Variants in EFTUD2 observed in about 807,000 individuals in gnomAD.
EFTUD2 encodes elongation factor Tu GTP binding domain containing 2.
Under a neutral mutation model 114.3 loss-of-function variants are expected in EFTUD2, and 9 were observed. That is an observed-to-expected ratio of 0.08 (90% CI 0.05 to 0.14). The LOEUF is 0.14. Among genes scored for constraint, EFTUD2 ranks in the 10% least tolerant of loss-of-function variants. The probability of loss-of-function intolerance (pLI) is 1.00; values close to 1 mark genes in which losing one functional copy is unlikely to be tolerated. For synonymous variants in EFTUD2, 449 were observed against 462.3 expected (o/e 0.97, Z 0.37); for missense variants, 765 against 1,241.2 (o/e 0.62, Z 5.76).
chr17:44,865,740 G>A (rs2050735061), intron 13 of EFTUD2, among the ~76,000 whole-genome samples: 1 of 152,142 alleles, frequency 6.6e-6, no homozygotes, highest in Non-Finnish European at 1.5e-5. Flanking sequence ...AGAAAGGTCT[G>A]TATGAAAATT....
intron 2 of EFTUD2, among the ~76,000 whole-genome samples, chr17:44,887,369 A>G (rs368005502): frequency 6.6e-6 from 1 of 152,370 alleles, no homozygotes; most frequent in Non-Finnish European, 1.5e-5. Flanking sequence ...TTAGAAATCA[A>G]TGTTCATAGT....
At position 44,886,697 on chromosome 17, in the gene EFTUD2, A is replaced by G. The variant is rs2145558840; in HGVS notation, c.159T>C (p.Pro53=). The part of the protein sequence containing the change: ...DDVGDHDDDH[P]GMEVVLHEDK... ...CCTCATGCAGCACCACCTCCATCCC[A>G]GGGTGGTCATCGTCATGATCTCCTA... Residue 53 remains proline (P), a synonymous_variant, in exon 3 of 28, where the codon CCT becomes CCC. Coordinates refer to ENST00000426333, the MANE Select transcript of EFTUD2 (RefSeq NM_004247.4). 6.2e-7 allele frequency: 1 copy of G among 1,614,148 alleles called. No homozygotes were observed. Among genetic ancestry groups the G allele is most frequent in the South Asian group, 1.1e-5 (1 of 91,084 alleles).
At chr17:44,894,355 T>G in intron 2 of EFTUD2, 62 bp downstream of exon 2, 2 of 1,382,106 alleles carry the variant, frequency 1.4e-6, no homozygotes, top group Non-Finnish European at 2.1e-6. Context: ...GGCAAGAGAG[T>G]GAGATCTTGT....
intron 9 of EFTUD2, among the ~76,000 whole-genome samples, chr17:44,878,476 A>G (rs2051010566): frequency 6.6e-6 from 1 of 152,234 alleles, no homozygotes; most frequent in Non-Finnish European, 1.5e-5. Context: ...AAAAAATTCT[A>G]TAACGGAAAT....
rs1255700094 is a variant in EFTUD2, at chr17:44,862,998, C to T, written c.1414-92G>A. ...TCTTCCTTGACAGCAAGGACATGAG[C>T]TCTATGAGGAGCTAGAGAAAGATGA... On this transcript the variant is annotated intron_variant, in intron 15 of 27. Coordinates refer to ENST00000426333, the MANE Select transcript of EFTUD2 (RefSeq NM_004247.4). The T allele has an allele frequency of 4.6e-6, 5 of 1,080,826 alleles. No homozygotes were observed. The Admixed American group carries it at 1.0e-4, about 23-fold the overall frequency. 67.0% of individuals were successfully genotyped at this position (1,080,826 alleles called of 1,614,324 possible). A position where few individuals can be genotyped will look rare whatever the true frequency, so the allele number is the denominator to read the frequency against.
intron 15 of EFTUD2, chr17:44,863,291 T>A (rs1006770129): frequency 4.0e-6 from 1 of 248,140 alleles, no homozygotes; most frequent in African/African-American, 2.2e-5. Context: ...GGGAAAGATG[T>A]TTTTAAAAGC....
At chr17:44,872,355 C>G (rs2050870335) in intron 11 of EFTUD2, 91 bp downstream of exon 11, 6 of 1,549,938 alleles carry the variant, frequency 3.9e-6, no homozygotes, top group Non-Finnish European at 3.5e-6. Flanking sequence ...CAGCAGGGTG[C>G]TGATACGAAG....
At position 44,850,284 on chromosome 17, in the gene EFTUD2, G is replaced by C; in HGVS notation, c.*990C>G. 1 of 1,506,930 alleles carries C rather than the reference G, an allele frequency of 6.6e-7. No individual in the cohort carries two copies. Among genetic ancestry groups the C allele is most frequent in the Non-Finnish European group, 9.1e-7 (1 of 1,094,534 alleles). The allele number at this position is 1,506,930 out of a possible 1,614,324, so 93.3% of individuals were successfully genotyped here. A position where few individuals can be genotyped will look rare whatever the true frequency, so the allele number is the denominator to read the frequency against. On this transcript the variant is annotated 3_prime_UTR_variant, in exon 28 of 28. Coordinates refer to ENST00000426333, the MANE Select transcript of EFTUD2 (RefSeq NM_004247.4). Reference sequence around the variant, plus strand: ...TAGGACGCCTGAGAGCCAGAGGACGGGTGAAGGGTTTGATGCCAAGGGGCA... The same window carrying C: ...TAGGACGCCTGAGAGCCAGAGGACGCGTGAAGGGTTTGATGCCAAGGGGCA...
At chr17:44,869,481 G>A (rs1439731801) in intron 11 of EFTUD2, among the ~76,000 whole-genome samples, 6 of 152,004 alleles carry the variant, frequency 3.9e-5, no homozygotes, top group African/African-American at 1.5e-4. Context: ...AAAATTTTTT[G>A]TAGAGACGAG....
At chr17:44,878,417 A>T (rs1200038069) in intron 9 of EFTUD2, among the ~76,000 whole-genome samples, 1 of 152,208 alleles carries the variant, frequency 6.6e-6, no homozygotes, top group African/African-American at 2.4e-5. Flanking sequence ...ATTCAGAGAG[A>T]CTTGAAAATC....
chr17:44,880,261 G>A (rs1429945495), intron 8 of EFTUD2, among the ~76,000 whole-genome samples: 2 of 152,284 alleles, frequency 1.3e-5, no homozygotes, highest in East Asian at 1.9e-4. Flanking sequence ...CTCACCTTTA[G>A]CTCCCCAGCA....
intron 2 of EFTUD2, among the ~76,000 whole-genome samples, chr17:44,887,305 T>G (rs1283597503): frequency 6.6e-6 from 1 of 152,146 alleles, no homozygotes; most frequent in Non-Finnish European, 1.5e-5. Context: ...ACCCAGCAAG[T>G]CCACTCCTAA....
At chr17:44,860,650 G>A in intron 16 of EFTUD2, 107 bp from the exon 17 acceptor site, 6 of 698,470 alleles carry the variant, frequency 8.6e-6, no homozygotes, top group Non-Finnish European at 1.4e-5. Flanking sequence ...CCAGGCTGGA[G>A]TGCAGTGGCA....
In EFTUD2 at chr17:44,872,492, G is replaced by C. The variant is rs752442874; in HGVS notation, c.948C>G (p.Ile316Met). 6.2e-7 allele frequency: 1 copy of C among 1,613,590 alleles called. No individual in the cohort carries two copies. Among genetic ancestry groups the C allele is most frequent in the Admixed American group, 1.7e-5 (1 of 60,008 alleles). ...NVCFSSSQYS[I>M]CFTLGSFAKI... ...TGGCAAAGGAGCCCAGCGTGAAGCA[G>C]ATGCTGTACTGGGAGCTGGAGAAGC... is the stretch of plus-strand genomic sequence containing the variant. Residue 316 changes from isoleucine to methionine, a missense_variant, in exon 11 of 28, where the codon ATC (isoleucine) becomes ATG (methionine). Physicochemically the swap from Ile to Met is conservative, Grantham distance 10. Coordinates refer to ENST00000426333, the MANE Select transcript of EFTUD2 (RefSeq NM_004247.4).
chr17:44,893,501 G>A (rs1309874438), intron 2 of EFTUD2, among the ~76,000 whole-genome samples: 2 of 152,178 alleles, frequency 1.3e-5, no homozygotes, highest in Non-Finnish European at 2.9e-5. Flanking sequence ...GAAGAGTTGA[G>A]TATCTTTTCC....
At position 44,862,891 on chromosome 17, in the gene EFTUD2, G is replaced by T. The variant is rs763470214; in HGVS notation, c.1429C>A (p.His477Asn). ...DCDPDGPLMC[H>N]TTKMYSTDDG... ...TCTGTGCTGTACATCTTAGTAGTGTGGCACATCAGGGGGCCCTGGAAGAGG... is the reference window on the plus strand; with the variant it reads ...TCTGTGCTGTACATCTTAGTAGTGTTGCACATCAGGGGGCCCTGGAAGAGG... Residue 477 changes from histidine to asparagine, a missense_variant, in exon 16 of 28, where the codon CAC (histidine) becomes AAC (asparagine). Transcript: ENST00000426333. The T allele has an allele frequency of 2.5e-6, 4 of 1,609,794 alleles. No individual in the cohort carries two copies.
chr17:44,884,068 A>C (rs1597820612), intron 4 of EFTUD2: 1 of 267,946 alleles, frequency 3.7e-6, no homozygotes. Context: ...GGAGTTCAAG[A>C]CCAGCCTGGC....
At chr17:44,889,564 A>G (rs1456080976) in intron 2 of EFTUD2, among the ~76,000 whole-genome samples, 1 of 152,244 alleles carries the variant, frequency 6.6e-6, no homozygotes, top group Non-Finnish European at 1.5e-5. Context: ...AGACAGAAAC[A>G]TGAACAAATC....
intron 9 of EFTUD2, 26 bp downstream of exon 9, chr17:44,879,530 G>A: frequency 6.2e-7 from 1 of 1,612,766 alleles, no homozygotes; most frequent in Non-Finnish European, 8.5e-7. Flanking sequence ...AGGTGGATGA[G>A]ATTCTGGGAG....
Sources: gnomAD v4.1 joint callset for allele counts (sites outside exome capture counted in the v4.1 genomes callset) on GRCh38, gnomAD v4.1.1 for gene constraint, MANE v1.5 for transcripts, NCBI Gene and HGNC (gene_info 2026-07-23, HGNC 2026-07-21) for gene names.